PCDHGB3: variants seen among roughly 807,000 people sequenced by gnomAD.
The protein encoded by PCDHGB3 is protocadherin gamma subfamily B, 3.
PCDHGB3 carries 40 observed loss-of-function variants against 59.2 expected under a neutral mutation model. That is an observed-to-expected ratio of 0.68 (90% CI 0.52 to 0.88). PCDHGB3 has a LOEUF of 0.88. Among genes scored for constraint, PCDHGB3 ranks in the 40% least tolerant of loss-of-function variants. PCDHGB3 has a pLI of 0.00. For synonymous variants in PCDHGB3, 581 were observed against 503.6 expected, an observed-to-expected ratio of 1.15 and a Z score of -2.06; for missense variants, 1,309 against 1,187.9, an observed-to-expected ratio of 1.10 and a Z score of -1.50.
In PCDHGB3 at chr5:141,404,506, C is replaced by T. The variant is rs530963064; in HGVS notation, c.2415+31697C>T. The stretch of plus-strand genomic sequence containing the variant: ...ACACTGGTGTGCTGTATGCTCTGTG[C>T]TCCTTTGACTATGAGCAGTTTAGAG... On this transcript the variant is annotated intron_variant, in intron 1 of 3. Coordinates refer to ENST00000576222, the MANE Select transcript of PCDHGB3 (RefSeq NM_018924.5). 540 of 1,613,932 alleles carry T rather than the reference C, an allele frequency of 3.3e-4. 6 individuals are homozygous for T. In the South Asian group the frequency reaches 5.6e-3, roughly 17 times the overall value.
At chr5:141,427,924 G>A (rs1440880400) in intron 1 of PCDHGB3, 8 of 1,580,024 alleles carry the variant, frequency 5.1e-6, no homozygotes, top group East Asian at 2.2e-5. Context: ...ATGAGCCGGC[G>A]CATGTTGGTG....
intron 1 of PCDHGB3, chr5:141,398,504 T>C: frequency 6.2e-7 from 1 of 1,611,098 alleles, no homozygotes; most frequent in Admixed American, 1.7e-5. Flanking sequence ...ATCGAGGACA[T>C]TAATGACCAC....
chr5:141,485,454 C>T lies in PCDHGB3; in HGVS notation c.2416-9353C>T. On this transcript the variant is annotated intron_variant, in intron 1 of 3. Transcript: ENST00000576222. This position sits in a 1 kb window ranked among gnomAD's most constrained non-coding sequence, Gnocchi z 5.7. Reference sequence around the variant, plus strand: ...ATCAAGAACCCAATCGACCGAGAGGCACTGTGTGGGCTCAGTGCCAGCTGC... The same window carrying T: ...ATCAAGAACCCAATCGACCGAGAGGTACTGTGTGGGCTCAGTGCCAGCTGC... The T allele has an allele frequency of 6.2e-7, 1 of 1,614,162 alleles. No homozygotes were observed. Among genetic ancestry groups the T allele is most frequent in the East Asian group, 2.2e-5 (1 of 44,868 alleles).
intron 1 of PCDHGB3, chr5:141,422,844 G>A: frequency 6.2e-7 from 1 of 1,614,238 alleles, no homozygotes; most frequent in Non-Finnish European, 8.5e-7. Context: ...GTGACAGCGG[G>A]GACCCGCCCC....
Position 141,410,441 on chromosome 5 carries a change from A to T in PCDHGB3, c.2415+37632A>T. ...AGTTCCCCCCAACTACAGTGAGGGGACTTTGCCTTATTCTTATAATCTGTG... is the reference window on the plus strand; with the variant it reads ...AGTTCCCCCCAACTACAGTGAGGGGTCTTTGCCTTATTCTTATAATCTGTG... On this transcript the variant is annotated intron_variant, in intron 1 of 3. Transcript: ENST00000576222. 2 of 1,613,946 alleles carry T rather than the reference A, an allele frequency of 1.2e-6. 1 individual carries two copies. The highest frequency in any genetic ancestry group is 2.2e-5 in the South Asian group (2 of 91,074).
At chr5:141,403,119 C>T in intron 1 of PCDHGB3, 1 of 1,614,060 alleles carries the variant, frequency 6.2e-7, no homozygotes, top group Non-Finnish European at 8.5e-7. Flanking sequence ...GCTCTGGAGC[C>T]CCGGGAGCTG....
intron 1 of PCDHGB3, chr5:141,400,729 A>G: frequency 1.5e-6 from 1 of 649,042 alleles, no homozygotes. Flanking sequence ...TTTACAAAGT[A>G]GTGAGAGTTT....
chr5:141,385,633 G>A (rs2090306772), intron 1 of PCDHGB3: 9 of 905,286 alleles, frequency 9.9e-6, no homozygotes, highest in Non-Finnish European at 1.3e-5. Flanking sequence ...AATGAATCGA[G>A]TCTTTCATAT....
chr5:141,415,627 A>T, intron 1 of PCDHGB3: 1 of 1,598,406 alleles, frequency 6.3e-7, no homozygotes, highest in Non-Finnish European at 8.5e-7. Context: ...TTTTATTTTC[A>T]TTTTTACTTT....
chr5:141,393,073 C>T, intron 1 of PCDHGB3: 1 of 1,613,658 alleles, frequency 6.2e-7, no homozygotes. Context: ...TTGATCACCG[C>T]GGGCAGGATA....
intron 1 of PCDHGB3, chr5:141,391,341 C>G (rs2092360139): frequency 6.9e-6 from 1 of 145,086 alleles, no homozygotes. Flanking sequence ...GAGACAGAGT[C>G]TCTGTCTGTT....
chr5:141,419,905 T>G (rs916259620), intron 1 of PCDHGB3: 23 of 1,613,978 alleles, frequency 1.4e-5, no homozygotes, highest in Non-Finnish European at 1.9e-5. Context: ...CCACACCCTC[T>G]GACTCCCAGG....
intron 1 of PCDHGB3, chr5:141,393,958 T>C: frequency 6.2e-7 from 1 of 1,613,966 alleles, no homozygotes; most frequent in East Asian, 2.2e-5. Flanking sequence ...AATGGTCAAG[T>C]TGTCTGTTAC....
chr5:141,374,474 C>G (rs762306215), intron 1 of PCDHGB3: 1 of 1,612,258 alleles, frequency 6.2e-7, no homozygotes, highest in Middle Eastern at 1.7e-4. Context: ...TGACAATACA[C>G]CCCGATTCTT....
Position 141,475,863 on chromosome 5 carries a change from C to G in PCDHGB3, c.2416-18944C>G, listed in dbSNP as rs1037784260. On this transcript the variant is annotated intron_variant, in intron 1 of 3. Transcript: ENST00000576222. ...TCAGAGAGCCCGGCGCTAGCTCATT[C>G]TTCGTGCAGTTATTGGCTGGGACTC... is the stretch of plus-strand genomic sequence containing the variant. 1.4e-5 allele frequency: 7 copies of G among 499,790 alleles called. 1 individual carries two copies. The highest frequency in any genetic ancestry group is 1.4e-4 in the African/African-American group (7 of 51,600). The allele number at this position is 499,790 out of a possible 1,614,324, so 31.0% of individuals were successfully genotyped here. A position where few individuals can be genotyped will look rare whatever the true frequency, so the allele number is the denominator to read the frequency against.
At chr5:141,389,631 G>A (rs1390648430) in intron 1 of PCDHGB3, 15 of 1,612,998 alleles carry the variant, frequency 9.3e-6, no homozygotes, top group African/African-American at 1.3e-5. Flanking sequence ...TGCAGAGCCT[G>A]GCTACTTGGT....
At chr5:141,427,972 C>T (rs1368719718) in intron 1 of PCDHGB3, 1 of 1,593,948 alleles carries the variant, frequency 6.3e-7, no homozygotes, top group South Asian at 1.1e-5. Flanking sequence ...GTGCTGTACC[C>T]CGCGCTGGGG....
Position 141,399,593 on chromosome 5 carries a change from C to A in PCDHGB3, c.2415+26784C>A, listed in dbSNP as rs201515317. 170 of 1,613,988 alleles carry A rather than the reference C, an allele frequency of 1.1e-4. 1 individual carries two copies. The African/African-American group carries it at 1.5e-3, about 14-fold the overall frequency. On this transcript the variant is annotated intron_variant, in intron 1 of 3. Coordinates refer to ENST00000576222, the MANE Select transcript of PCDHGB3 (RefSeq NM_018924.5). Reference sequence around the variant, plus strand: ...GGCCAAGTCTCCTACTCTATCATGGCCAGCGACCTAGAGCCTCTGGCACTG... The same window carrying A: ...GGCCAAGTCTCCTACTCTATCATGGACAGCGACCTAGAGCCTCTGGCACTG...
At position 141,372,786 on chromosome 5, in the gene PCDHGB3, TC is replaced by T; in HGVS notation, c.2393del (p.Ser798LeufsTer51). Reference protein sequence around the residue: ...FESNDNPEMPSNSGNLQKQAP... With the variant: ...FESNDNPEMPXNSGNLQKQAP... ...AAGTAATGACAATCCAGAAATGCCT[TC>T]TAATTCAGGCAATTTGCAAAAGGTG... On this transcript the variant is annotated frameshift_variant, in exon 1 of 4. Coordinates refer to ENST00000576222, the MANE Select transcript of PCDHGB3 (RefSeq NM_018924.5). LOFTEE classifies it high-confidence loss of function. The T allele has an allele frequency of 6.2e-7, 1 of 1,605,598 alleles. No individual in the cohort carries two copies. Among genetic ancestry groups the T allele is most frequent in the Non-Finnish European group, 8.5e-7 (1 of 1,175,542 alleles).
Sources: gnomAD v4.1 joint callset for allele counts on GRCh38, gnomAD v4.1.1 for gene constraint, Gnocchi (gnomAD v3.1) non-coding constraint, MANE v1.5 for transcripts, NCBI Gene and HGNC (gene_info 2026-07-23, HGNC 2026-07-21) for gene names.